LUC7L: variants seen among roughly 807,000 people sequenced by gnomAD.
LUC7L encodes putative RNA-binding protein Luc7-like 1.
A neutral mutation model predicts 51.1 loss-of-function variants in LUC7L; 29 were observed. That is an observed-to-expected ratio of 0.57 (90% CI 0.42 to 0.77). The LOEUF is 0.77. Among genes scored for constraint, LUC7L ranks in the 30% least tolerant of loss-of-function variants. The pLI is 0.00. For synonymous variants in LUC7L, 181 were observed against 180.7 expected, an observed-to-expected ratio of 1.00 and a Z score of -0.01; for missense variants, 403 against 511.9, an observed-to-expected ratio of 0.79 and a Z score of 2.05.
chr16:197,725 C>A (rs558444077), intron 6 of LUC7L, among the ~76,000 whole-genome samples: 2 of 152,156 alleles, frequency 1.3e-5, no homozygotes, highest in African/African-American at 2.4e-5. Flanking sequence ...CTGCCATATG[C>A]GGCCTGAGTG....
rs561312285 is a variant in LUC7L, at chr16:227,332, G to A, written c.66C>T (p.Asp22=). 43 of 1,605,484 alleles carry A rather than the reference G, an allele frequency of 2.7e-5. No homozygotes were observed. Among genetic ancestry groups the A allele is most frequent in the South Asian group, 2.2e-4 (20 of 89,844 alleles). Residue 22 remains aspartate (D), a synonymous_variant, in exon 2 of 10, where the codon GAC becomes GAT. Coordinates refer to ENST00000293872, the MANE Select transcript of LUC7L (RefSeq NM_201412.3). ...TAAACTTGACCCTCTGTCTGGTTTC[G>A]TCTCCTGAAATTCATTTGTGGTTTT... is the stretch of plus-strand genomic sequence containing the variant. ...DQLMGTARDG[D]ETRQRVKFTD... is the part of the protein sequence containing the mutation.
In LUC7L at chr16:220,606, G is replaced by C. The variant is rs1177372425; in HGVS notation, c.255+43C>G. On this transcript the variant is annotated intron_variant, in intron 3 of 9. Transcript: ENST00000293872. ...CATTTTTCTTGTTAGTTCAATATTG[G>C]GTTCTTCGCAGTAGGAATAAATCAA... 4 of 1,394,352 alleles carry C rather than the reference G, an allele frequency of 2.9e-6. No homozygotes were observed. The South Asian group carries it at 4.7e-5, about 16-fold the overall frequency. 86.4% of individuals were successfully genotyped at this position (1,394,352 alleles called of 1,614,324 possible). A position where few individuals can be genotyped will look rare whatever the true frequency, so the allele number is the denominator to read the frequency against.
At chr16:227,571 C>T (rs969641734) in intron 1 of LUC7L, 14 of 1,338,040 alleles carry the variant, frequency 1.0e-5, no homozygotes, top group Non-Finnish European at 1.3e-5. Flanking sequence ...CATCACTGTA[C>T]CAAAGAAGTC....
intron 1 of LUC7L, chr16:227,707 G>A: frequency 9.8e-7 from 1 of 1,024,000 alleles, no homozygotes; most frequent in African/African-American, 1.7e-5. Context: ...TTATAGAGCT[G>A]GTAATTTCCA....
chr16:189,832 C>T (rs745819326), intron 9 of LUC7L, 136 bp downstream of exon 9: 56 of 1,451,902 alleles, frequency 3.9e-5, no homozygotes, highest in South Asian at 1.6e-4. Context: ...ACCTGAGTCC[C>T]GTTCACGACT....
intron 3 of LUC7L, among the ~76,000 whole-genome samples, chr16:211,101 G>A (rs1291524703): frequency 6.7e-6 from 1 of 149,668 alleles, no homozygotes; most frequent in African/African-American, 2.5e-5. Context: ...GGTGGCTCAC[G>A]CCTGTAATCC....
chr16:226,032 T>C (rs2050123718), intron 2 of LUC7L, among the ~76,000 whole-genome samples: 1 of 152,050 alleles, frequency 6.6e-6, no homozygotes, highest in African/African-American at 2.4e-5. Context: ...CTTTGACGAG[T>C]TGAAATCATT....
At chr16:223,257 G>C (rs1288234550) in intron 2 of LUC7L, among the ~76,000 whole-genome samples, 1 of 152,014 alleles carries the variant, frequency 6.6e-6, no homozygotes, top group Non-Finnish European at 1.5e-5. Flanking sequence ...GCTGAGGAAG[G>C]AGAATGGCAT....
intron 3 of LUC7L, among the ~76,000 whole-genome samples, chr16:212,945 C>G (rs11248908): frequency 0.021 from 3,171 of 152,144 alleles, 92 homozygotes; most frequent in African/African-American, 0.071. Flanking sequence ...ACCCAGCTAA[C>G]ATTTCTGATT....
intron 3 of LUC7L, among the ~76,000 whole-genome samples, chr16:217,573 G>T (rs567666838): frequency 2.0e-5 from 3 of 151,718 alleles, no homozygotes; most frequent in Non-Finnish European, 4.4e-5. Context: ...CAGGCGTAGC[G>T]ATGTGCACCT....
chr16:190,675 C>G (rs1457668546), intron 7 of LUC7L, 105 bp from the exon 8 acceptor site: 3 of 990,170 alleles, frequency 3.0e-6, no homozygotes, highest in Non-Finnish European at 4.8e-6. Flanking sequence ...AGGTCACGAG[C>G]TGGAGACCAG....
chr16:228,930 A>T, intron 1 of LUC7L: 1 of 1,380,980 alleles, frequency 7.2e-7, no homozygotes, highest in Non-Finnish European at 9.5e-7. Flanking sequence ...GCTGCCAGCG[A>T]CCTGGAGCCC....
intron 3 of LUC7L, among the ~76,000 whole-genome samples, chr16:211,935 C>G (rs574202298): frequency 6.6e-6 from 1 of 152,326 alleles, no homozygotes; most frequent in East Asian, 1.9e-4. Context: ...TGATGTCAGT[C>G]AGAACTGTCA....
chr16:220,811 G>A (rs1168912395), intron 2 of LUC7L, 64 bp from the exon 3 acceptor site: 24 of 1,024,512 alleles, frequency 2.3e-5, no homozygotes, highest in South Asian at 1.2e-4. Flanking sequence ...CACACAACGC[G>A]ACTTGGTGTT....
chr16:213,188 C>T (rs2049693947), intron 3 of LUC7L, among the ~76,000 whole-genome samples: 1 of 152,204 alleles, frequency 6.6e-6, no homozygotes, highest in African/African-American at 2.4e-5. Context: ...TCCTAGGCAA[C>T]TTCCAGATAA....
At chr16:221,910 G>C (rs1330344979) in intron 2 of LUC7L, among the ~76,000 whole-genome samples, 1 of 152,098 alleles carries the variant, frequency 6.6e-6, no homozygotes, top group Admixed American at 6.6e-5. Context: ...TGTATCAAAG[G>C]GAATAAAGGA....
intron 1 of LUC7L, chr16:229,049 C>A (rs1034684027): frequency 7.0e-7 from 1 of 1,420,376 alleles, no homozygotes; most frequent in East Asian, 2.6e-5. Context: ...AGGCTGAAGC[C>A]CCATCCATGG....
intron 5 of LUC7L, among the ~76,000 whole-genome samples, chr16:200,847 A>G (rs1596618141): frequency 6.6e-6 from 1 of 152,056 alleles, no homozygotes; most frequent in Admixed American, 6.6e-5. Flanking sequence ...GCGCCACTGT[A>G]CTTCAGCCTG....
chr16:201,162 C>T (rs1311847039), intron 5 of LUC7L, among the ~76,000 whole-genome samples: 6 of 76,040 alleles, frequency 7.9e-5, no homozygotes, highest in Non-Finnish European at 2.2e-5. Flanking sequence ...GAGCGAGACT[C>T]TGTCTGAGAA....
Sources: gnomAD v4.1 joint callset for allele counts (sites outside exome capture counted in the v4.1 genomes callset) on GRCh38, gnomAD v4.1.1 for gene constraint, MANE v1.5 for transcripts, NCBI Gene and HGNC (gene_info 2026-07-23, HGNC 2026-07-21) for gene names.